The following ARHGEF10 variants were observed in gnomAD, a reference collection of about 807,000 sequenced individuals.
ARHGEF10 encodes the protein Rho guanine nucleotide exchange factor (GEF) 10.
ARHGEF10 carries 140 observed loss-of-function variants against 147.4 expected under a neutral mutation model. The ratio of observed to expected loss-of-function variants is 0.95; its 90% CI spans 0.83 to 1.09. ARHGEF10 has a LOEUF of 1.09. Among genes scored for constraint, ARHGEF10 ranks in the 50% least tolerant of loss-of-function variants. The probability of loss-of-function intolerance (pLI) is 0.00; values close to 1 mark genes in which losing one functional copy is unlikely to be tolerated. For missense variants in ARHGEF10, 2,222 were observed against 1,752.7 expected (o/e 1.27, Z -4.78); for synonymous variants, 902 against 695.8 (o/e 1.30, Z -4.67).
At chr8:1,855,694 A>G (rs925556473) in intron 2 of ARHGEF10, among the ~76,000 whole-genome samples, 3 of 152,036 alleles carry the variant, frequency 2.0e-5, no homozygotes, top group African/African-American at 7.2e-5. Context: ...CCAGCAATAC[A>G]TAAACATTTT....
chr8:1,931,678 C>G (rs980158274), intron 25 of ARHGEF10, among the ~76,000 whole-genome samples: 53 of 152,342 alleles, frequency 3.5e-4, no homozygotes, highest in Non-Finnish European at 8.8e-5. Context: ...TTCCTAGCCC[C>G]TCACTGTTGC....
rs560053327 is a variant in ARHGEF10, at chr8:1,875,260, G to T, written c.680-1311G>T. On this transcript the variant is annotated intron_variant, in intron 7 of 28. Transcript: ENST00000349830. Reference sequence around the variant, plus strand: ...TGCAGACACACACCAGGGCGTGTAGGGGGTGGAGGTTCTAAGACAGGCTGG... The same window carrying T: ...TGCAGACACACACCAGGGCGTGTAGTGGGTGGAGGTTCTAAGACAGGCTGG... Among the ~76,000 whole-genome samples the T allele has an allele frequency of 7.3e-5, 11 of 151,600 alleles. No individual in the cohort carries two copies. In the South Asian group the frequency reaches 2.3e-3, roughly 32 times the overall value.
At chr8:1,951,057 C>T (rs1341551433) in intron 27 of ARHGEF10, among the ~76,000 whole-genome samples, 2 of 152,212 alleles carry the variant, frequency 1.3e-5, no homozygotes, top group South Asian at 2.1e-4. Context: ...TAGTGCCACA[C>T]GGAGGGCCGG....
At chr8:1,850,689 C>T (rs1055573895) in intron 2 of ARHGEF10, among the ~76,000 whole-genome samples, 5 of 152,114 alleles carry the variant, frequency 3.3e-5, no homozygotes, top group African/African-American at 1.2e-4. Context: ...GCAGCCATGC[C>T]CCGGCGTATT....
At chr8:1,871,367 A>G (rs1235041471) in intron 7 of ARHGEF10, among the ~76,000 whole-genome samples, 1 of 152,168 alleles carries the variant, frequency 6.6e-6, no homozygotes, top group East Asian at 1.9e-4. Flanking sequence ...AAAAATCAAT[A>G]CAAACATTTA....
At chr8:1,827,391 C>G (rs984054770) in intron 1 of ARHGEF10, among the ~76,000 whole-genome samples, 9 of 152,194 alleles carry the variant, frequency 5.9e-5, no homozygotes, top group Non-Finnish European at 1.0e-4. Context: ...TTGCTGCAGT[C>G]TTTGCTTCCC....
chr8:1,856,206 G>GT (rs1241734360), intron 2 of ARHGEF10, among the ~76,000 whole-genome samples: 2 of 152,234 alleles, frequency 1.3e-5, no homozygotes, highest in African/African-American at 4.8e-5. Context: ...TCAGACGTAT[G>GT]TTTTAAAAAT....
At chr8:1,946,784 G>A (rs1407318879) in intron 27 of ARHGEF10, among the ~76,000 whole-genome samples, 1 of 152,236 alleles carries the variant, frequency 6.6e-6, no homozygotes, top group African/African-American at 2.4e-5. Context: ...CTTTGACAAG[G>A]GGAGGATGAG....
At chr8:1,892,444 T>G (rs901185152) in intron 11 of ARHGEF10, among the ~76,000 whole-genome samples, 4 of 152,188 alleles carry the variant, frequency 2.6e-5, no homozygotes, top group African/African-American at 9.7e-5. Flanking sequence ...AGAATAATCC[T>G]TTCTCTAAAA....
chr8:1,823,616 T>C (rs1365608639), upstream of ARHGEF10, among the ~76,000 whole-genome samples: 1 of 151,272 alleles, frequency 6.6e-6, no homozygotes, highest in Non-Finnish European at 1.5e-5. Flanking sequence ...GATCCAGATG[T>C]TGGGGGCGGG....
chr8:1,878,491 T>A (rs1807900346), intron 8 of ARHGEF10, among the ~76,000 whole-genome samples: 1 of 152,134 alleles, frequency 6.6e-6, no homozygotes, highest in Non-Finnish European at 1.5e-5. Context: ...GGCCTGCAAT[T>A]GTAGTTTTTA....
intron 17 of ARHGEF10, 66 bp from the exon 18 acceptor site, chr8:1,909,229 G>A (rs1811159619): frequency 1.3e-6 from 2 of 1,597,734 alleles, no homozygotes; most frequent in Non-Finnish European, 1.7e-6. Context: ...AACATCTGAG[G>A]GATGAACATT....
At chr8:1,829,105 G>C (rs1273238721) in intron 1 of ARHGEF10, among the ~76,000 whole-genome samples, 2 of 152,238 alleles carry the variant, frequency 1.3e-5, no homozygotes, top group African/African-American at 2.4e-5. Flanking sequence ...CAACCAGCCC[G>C]GCCAGGCCGA....
chr8:1,909,251 T>C (rs781570793), intron 17 of ARHGEF10, 44 bp from the exon 18 acceptor site: 1 of 1,612,270 alleles, frequency 6.2e-7, no homozygotes, highest in Non-Finnish European at 8.5e-7. Flanking sequence ...CCATAACGTG[T>C]TCATGTAATT....
At chr8:1,892,671 C>T (rs530420636) in intron 11 of ARHGEF10, among the ~76,000 whole-genome samples, 8 of 132,610 alleles carry the variant, frequency 6.0e-5, no homozygotes, top group African/African-American at 1.5e-4. Context: ...CGTGCGCGCA[C>T]GTGTGTGTTA....
chr8:1,924,014 A>T lies in ARHGEF10; in HGVS notation c.2488+140A>T, dbSNP rs570009661. 1,241 of 860,296 alleles carry T rather than the reference A, an allele frequency of 1.4e-3. 4 individuals carry two copies. Among genetic ancestry groups the T allele is most frequent in the Non-Finnish European group, 2.1e-3 (1,085 of 524,832 alleles). 53.3% of individuals were successfully genotyped at this position (860,296 alleles called of 1,614,324 possible). A position where few individuals can be genotyped will look rare whatever the true frequency, so the allele number is the denominator to read the frequency against. ...CTGAAAGAGTGTTTCTAAACAGGAA[A>T]ATTCACCCTGGCACCGGCGATTTTT... On this transcript the variant is annotated intron_variant, in intron 21 of 28. Transcript: ENST00000349830.
In ARHGEF10 at chr8:1,851,741, C is replaced by G. The variant is rs868863373; in HGVS notation, c.38-6219C>G. On this transcript the variant is annotated intron_variant, in intron 2 of 28. Coordinates refer to ENST00000349830, the MANE Select transcript of ARHGEF10 (RefSeq NM_014629.4). Reference sequence around the variant, plus strand: ...CAGCCTGGGCAACATAGTGCCACCTCGTCTCTATTAAAAATAATAAAACTT... The same window carrying G: ...CAGCCTGGGCAACATAGTGCCACCTGGTCTCTATTAAAAATAATAAAACTT... Among the ~76,000 whole-genome samples the G allele has an allele frequency of 2.6e-5, 4 of 152,140 alleles. 1 individual carries two copies. Among genetic ancestry groups the G allele is most frequent in the Middle Eastern group, 6.8e-3 (2 of 292 alleles).
intron 11 of ARHGEF10, among the ~76,000 whole-genome samples, chr8:1,887,800 G>A (rs1217145217): frequency 6.7e-6 from 1 of 149,400 alleles, no homozygotes; most frequent in Non-Finnish European, 1.5e-5. Flanking sequence ...TGGAGTAAGG[G>A]TTGTGGGGAG....
At chr8:1,907,505 G>A (rs1810995185) in intron 17 of ARHGEF10, among the ~76,000 whole-genome samples, 1 of 152,190 alleles carries the variant, frequency 6.6e-6, no homozygotes, top group Non-Finnish European at 1.5e-5. Flanking sequence ...ATTCATCACT[G>A]ATGTTTGTCT....
Sources: gnomAD v4.1 joint callset for allele counts (sites outside exome capture counted in the v4.1 genomes callset) on GRCh38, gnomAD v4.1.1 for gene constraint, MANE v1.5 for transcripts, NCBI Gene and HGNC (gene_info 2026-07-23, HGNC 2026-07-21) for gene names.